MOB3B: variants seen among roughly 807,000 people sequenced by gnomAD.
MOB3B encodes MOB kinase activator 3B.
Under a neutral mutation model 18.7 loss-of-function variants are expected in MOB3B, and 7 were observed. That is an observed-to-expected ratio of 0.37 (90% CI 0.21 to 0.70). MOB3B has a LOEUF of 0.70. MOB3B is among the 30% of genes least tolerant of loss of function. The pLI is 0.52. For missense variants in MOB3B, 253 were observed against 281.3 expected, an observed-to-expected ratio of 0.90 and a Z score of 0.72; for synonymous variants, 111 against 99.9, an observed-to-expected ratio of 1.11 and a Z score of -0.66.
chr9:27,343,925 AAAC>A (rs1365449530), intron 3 of MOB3B, among the ~76,000 whole-genome samples: 1 of 150,896 alleles, frequency 6.6e-6, no homozygotes, highest in South Asian at 2.1e-4. Context: ...ATATGTGAAG[AAAC>A]AACAACAAAA....
chr9:27,474,204 G>T (rs1819518161), intron 1 of MOB3B, among the ~76,000 whole-genome samples: 5 of 152,146 alleles, frequency 3.3e-5, no homozygotes. Flanking sequence ...GTATGGGAAG[G>T]AGATAAAGTA....
chr9:27,403,772 C>A (rs1821922862), intron 2 of MOB3B, among the ~76,000 whole-genome samples: 1 of 151,872 alleles, frequency 6.6e-6, no homozygotes, highest in Non-Finnish European at 1.5e-5. Context: ...AGCCATTATG[C>A]CTGGCCTCTT....
rs903603 is a variant in MOB3B, at chr9:27,529,318, G to A, written c.-199+237C>T. Among the ~76,000 whole-genome samples the A allele has an allele frequency of 0.4, 60,456 of 152,088 alleles. 14,216 individuals are homozygous for A. The highest frequency in any genetic ancestry group is 0.59 in the East Asian group (3,052 of 5,130). On this transcript the variant is annotated intron_variant, in intron 1 of 3. Transcript: ENST00000262244. ...TGGAAAGTGGGCGACCCTTGTTCCTGCCGGGAAGTGCACACGAGGAGCCGG... is the reference window on the plus strand; with the variant it reads ...TGGAAAGTGGGCGACCCTTGTTCCTACCGGGAAGTGCACACGAGGAGCCGG...
chr9:27,429,121 T>C (rs1349019649), intron 2 of MOB3B, among the ~76,000 whole-genome samples: 2 of 152,178 alleles, frequency 1.3e-5, no homozygotes, highest in African/African-American at 4.8e-5. Context: ...ACAAATGACA[T>C]GACATAAAGG....
chr9:27,412,181 G>GA (rs113122156), intron 2 of MOB3B, among the ~76,000 whole-genome samples: 31,660 of 131,796 alleles, frequency 0.24, 4,274 homozygotes, highest in East Asian at 0.66. Context: ...CCCTTATGAC[G>GA]AAAAAAAAAA....
chr9:27,454,995 T>A, intron 2 of MOB3B, 138 bp downstream of exon 2: 1 of 905,698 alleles, frequency 1.1e-6, no homozygotes. Context: ...AATGAGGCTC[T>A]TATATATCAC....
intron 2 of MOB3B, among the ~76,000 whole-genome samples, chr9:27,384,005 G>C (rs1447583469): frequency 1.3e-5 from 2 of 152,096 alleles, no homozygotes; most frequent in Non-Finnish European, 2.9e-5. Flanking sequence ...CATTATAAAG[G>C]CTCTGAGAAA....
intron 1 of MOB3B, among the ~76,000 whole-genome samples, chr9:27,526,737 A>G (rs1820443482): frequency 6.6e-6 from 1 of 152,272 alleles, no homozygotes; most frequent in Admixed American, 6.5e-5. Context: ...ACAAACTGAC[A>G]TCATCACAAA....
At chr9:27,354,252 T>G (rs1253400173) in intron 3 of MOB3B, among the ~76,000 whole-genome samples, 1 of 152,228 alleles carries the variant, frequency 6.6e-6, no homozygotes, top group Non-Finnish European at 1.5e-5. Flanking sequence ...AGAGGCCTGA[T>G]AGGGTGACCA....
chr9:27,363,928 G>A (rs1379332981), intron 2 of MOB3B, among the ~76,000 whole-genome samples: 2 of 151,976 alleles, frequency 1.3e-5, no homozygotes, highest in African/African-American at 4.8e-5. Context: ...ATGTTTTTGT[G>A]GAGACAAGGT....
At chr9:27,505,867 TC>T (rs1820051109) in intron 1 of MOB3B, among the ~76,000 whole-genome samples, 1 of 152,106 alleles carries the variant, frequency 6.6e-6, no homozygotes, top group Admixed American at 6.5e-5. Context: ...AGCCATTTTT[TC>T]CCCCTCTCTC....
At chr9:27,518,321 A>G (rs1319946995) in intron 1 of MOB3B, among the ~76,000 whole-genome samples, 3 of 152,206 alleles carry the variant, frequency 2.0e-5, no homozygotes, top group African/African-American at 7.2e-5. Context: ...GATCTAGGAA[A>G]AAAATCCACA....
chr9:27,340,452 C>T (rs1703329789), intron 3 of MOB3B, among the ~76,000 whole-genome samples: 1 of 152,222 alleles, frequency 6.6e-6, no homozygotes, highest in Non-Finnish European at 1.5e-5. Flanking sequence ...TCTCATTTAA[C>T]CACAGGAGAT....
At chr9:27,428,718 A>G (rs1433555084) in intron 2 of MOB3B, among the ~76,000 whole-genome samples, 1 of 152,240 alleles carries the variant, frequency 6.6e-6, no homozygotes, top group African/African-American at 2.4e-5. Context: ...GGCAGGTGCC[A>G]TGGCTCCCAG....
intron 3 of MOB3B, among the ~76,000 whole-genome samples, chr9:27,339,116 T>C (rs1820904967): frequency 6.6e-6 from 1 of 152,206 alleles, no homozygotes; most frequent in African/African-American, 2.4e-5. Flanking sequence ...TCAGGGGACT[T>C]CGTTCTTGCC....
chr9:27,345,731 C>A (rs1821023340), intron 3 of MOB3B, among the ~76,000 whole-genome samples: 1 of 152,220 alleles, frequency 6.6e-6, no homozygotes, highest in African/African-American at 2.4e-5. Context: ...CTCCTTACTC[C>A]TGTTTCACCT....
chr9:27,501,301 C>T (rs758503858), intron 1 of MOB3B, among the ~76,000 whole-genome samples: 10 of 152,140 alleles, frequency 6.6e-5, no homozygotes, highest in South Asian at 4.2e-4. Context: ...CACATGCACA[C>T]GTATGTTTAT....
intron 1 of MOB3B, among the ~76,000 whole-genome samples, chr9:27,456,647 G>T (rs7021551): frequency 0.15 from 22,829 of 152,098 alleles, 1,824 homozygotes; most frequent in African/African-American, 0.18. Flanking sequence ...GACAGTATTT[G>T]TCACCTTCCA....
intron 3 of MOB3B, among the ~76,000 whole-genome samples, chr9:27,336,980 G>T (rs1820873315): frequency 6.6e-6 from 1 of 152,194 alleles, no homozygotes; most frequent in African/African-American, 2.4e-5. Flanking sequence ...TTCACAAAGT[G>T]CCTCCCTGCC....
Sources: gnomAD v4.1 joint callset for allele counts (sites outside exome capture counted in the v4.1 genomes callset) on GRCh38, gnomAD v4.1.1 for gene constraint, MANE v1.5 for transcripts, NCBI Gene and HGNC (gene_info 2026-07-23, HGNC 2026-07-21) for gene names.